The following LRRK1 variants were observed in gnomAD, a reference collection of about 807,000 sequenced individuals.
LRRK1 encodes the protein leucine rich repeat kinase 1, also known as leucine-rich repeat serine/threonine-protein kinase 1.
Under a neutral mutation model 209.1 loss-of-function variants are expected in LRRK1, and 113 were observed. That is an observed-to-expected ratio of 0.54 (90% CI 0.46 to 0.63). LRRK1 has a LOEUF of 0.63. Ranked by LOEUF, LRRK1 falls within the 30% of genes least tolerant of loss-of-function variation. LRRK1 has a pLI of 0.00. For missense variants in LRRK1, 2,284 were observed against 2,632.2 expected (o/e 0.87, Z 2.89); for synonymous variants, 1,144 against 1,099.7 (o/e 1.04, Z -0.80).
At chr15:101,032,146 T>G (rs7177141) in intron 20 of LRRK1, among the ~76,000 whole-genome samples, 150,180 of 152,334 alleles carry the variant, frequency 0.99, 74,065 homozygotes, top group East Asian at 1. Context: ...TAATGAGGTC[T>G]AGCACCTTTC....
intron 20 of LRRK1, among the ~76,000 whole-genome samples, chr15:101,045,429 A>G (rs1386923686): frequency 1.3e-5 from 2 of 152,212 alleles, no homozygotes; most frequent in Admixed American, 6.5e-5. Flanking sequence ...ATGATGACCG[A>G]GAGTGTTCTC....
intron 6 of LRRK1, among the ~76,000 whole-genome samples, chr15:101,002,580 T>A (rs2032746612): frequency 6.6e-6 from 1 of 152,218 alleles, no homozygotes; most frequent in African/African-American, 2.4e-5. Flanking sequence ...TTAGCCTTCA[T>A]GGATAGGATT....
chr15:100,976,672 C>T (rs1251059512), intron 3 of LRRK1, among the ~76,000 whole-genome samples: 4 of 152,116 alleles, frequency 2.6e-5, no homozygotes, highest in African/African-American at 9.7e-5. Context: ...AAAACTACTG[C>T]TAGGAACTTA....
intron 2 of LRRK1, among the ~76,000 whole-genome samples, chr15:100,950,481 G>T (rs1233335015): frequency 6.6e-6 from 1 of 152,132 alleles, no homozygotes; most frequent in African/African-American, 2.4e-5. Context: ...TTACAAAAAT[G>T]GCAAGATGAT....
intron 10 of LRRK1, among the ~76,000 whole-genome samples, 193 bp from the exon 11 acceptor site, chr15:101,014,123 C>G (rs568604938): frequency 9.2e-5 from 14 of 152,208 alleles, no homozygotes; most frequent in South Asian, 2.1e-4. Context: ...TAGATGGCCC[C>G]GTCGCACTGT....
chr15:100,962,814 T>TATATACATATATATATATATATATAC (rs1596204665), intron 2 of LRRK1, among the ~76,000 whole-genome samples: 1 of 33,958 alleles, frequency 2.9e-5, no homozygotes, highest in African/African-American at 9.7e-5. Context: ...TATATATATA[T>TATATACATATATATATATATATATAC]ATATATATAT....
chr15:100,943,556 T>A (rs2042481906), intron 2 of LRRK1, among the ~76,000 whole-genome samples: 1 of 151,980 alleles, frequency 6.6e-6, no homozygotes, highest in African/African-American at 2.4e-5. Context: ...GTTACAAAGA[T>A]AAACTATCAG....
At chr15:101,015,587 C>T (rs1567234091) in intron 12 of LRRK1, among the ~76,000 whole-genome samples, 185 bp downstream of exon 12, 1 of 152,252 alleles carries the variant, frequency 6.6e-6, no homozygotes, top group Non-Finnish European at 1.5e-5. Context: ...TTCTGTCCCA[C>T]GTGTGACACG....
At chr15:101,009,273 C>T (rs749996784) in intron 7 of LRRK1, among the ~76,000 whole-genome samples, 1 of 152,264 alleles carries the variant, frequency 6.6e-6, no homozygotes, top group African/African-American at 2.4e-5. Context: ...CAAGTTTACA[C>T]AGCTCACCCG....
In LRRK1 at chr15:101,022,043, G is replaced by A; in HGVS notation, c.1852+86G>A. The A allele has an allele frequency of 1.1e-6, 1 of 951,454 alleles. No homozygotes were observed. Among genetic ancestry groups the A allele is most frequent in the Non-Finnish European group, 1.6e-6 (1 of 623,166 alleles). 58.9% of individuals were successfully genotyped at this position (951,454 alleles called of 1,614,324 possible). On this transcript the variant is annotated intron_variant, in intron 14 of 33. Transcript: ENST00000388948. This position sits in a 1 kb window ranked among gnomAD's most constrained non-coding sequence, Gnocchi z 4.0. The stretch of plus-strand genomic sequence containing the variant: ...TTGTTAAGTTCTGGGGGTGGAGACA[G>A]TTGGTGACCCATGGAGCCCAGCTCC...
chr15:100,941,426 G>GTC (rs1567191058), intron 2 of LRRK1, among the ~76,000 whole-genome samples: 17 of 16,092 alleles, frequency 1.1e-3, no homozygotes, highest in South Asian at 3.2e-3. Context: ...GTGTGTGTGT[G>GTC]TCTGTGTGTG....
Position 100,958,949 on chromosome 15 carries a change from G to T in LRRK1, c.98-14855G>T, listed in dbSNP as rs1457716376. ...GGCAGTGTGTATGACTAAGGTCTCA[G>T]ATACTTTTATGACTTGGAAAGCCCC... On this transcript the variant is annotated intron_variant, in intron 2 of 33. Coordinates refer to ENST00000388948, the MANE Select transcript of LRRK1 (RefSeq NM_024652.6). Among the ~76,000 whole-genome samples, 4 of 152,274 alleles carry T rather than the reference G, an allele frequency of 2.6e-5. No homozygotes were observed. In the South Asian group the frequency reaches 8.3e-4, roughly 32 times the overall value.
At position 101,068,807 on chromosome 15, in the gene LRRK1, G is replaced by T; in HGVS notation, c.6007G>T (p.Glu2003Ter). The stretch of plus-strand genomic sequence containing the variant: ...CGACATTTTCTACCAGTCCTACGAG[G>T]AGCTGGGCCGGCTGGAGGCTTGCAC... ...EFDIFYQSYE[E>*]LGRLEACTRK... Residue 2003 changes from glutamate to a stop codon, truncating the protein, a stop_gained, in exon 34 of 34, where the codon GAG (glutamate) becomes TAG (stop). Transcript: ENST00000388948. LOFTEE classifies it high-confidence loss of function. 2.5e-6 allele frequency: 4 copies of T among 1,611,624 alleles called. No homozygotes were observed. Among genetic ancestry groups the T allele is most frequent in the Non-Finnish European group, 3.4e-6 (4 of 1,179,104 alleles).
Position 101,022,340 on chromosome 15 carries a change from A to G in LRRK1, c.1853-43A>G. 6.4e-7 allele frequency: 1 copy of G among 1,568,488 alleles called. No individual in the cohort carries two copies. The highest frequency in any genetic ancestry group is 1.1e-5 in the South Asian group (1 of 89,898). On this transcript the variant is annotated intron_variant, in intron 14 of 33. Coordinates refer to ENST00000388948, the MANE Select transcript of LRRK1 (RefSeq NM_024652.6). The surrounding 1 kb of genome is among the most constrained non-coding windows in gnomAD (Gnocchi z 4.0). ...ATTTTGTGTCCTAAGAGATGTGAGC[A>G]TGTGCCCACGCAGCTACCCTTCCCC...
chr15:101,054,544 CAT>C (rs1308034372), intron 26 of LRRK1, among the ~76,000 whole-genome samples: 3 of 152,358 alleles, frequency 2.0e-5, no homozygotes, highest in African/African-American at 7.2e-5. Context: ...CAGTGGCTCA[CAT>C]GTGTAATCCC....
chr15:100,996,001 C>T (rs1458146940), intron 6 of LRRK1, among the ~76,000 whole-genome samples: 1 of 152,246 alleles, frequency 6.6e-6, no homozygotes, highest in Non-Finnish European at 1.5e-5. Context: ...GCAAGCAGCC[C>T]AGCTGCACAT....
In LRRK1 at chr15:101,074,376, G is replaced by A. The variant is rs1171257992; in HGVS notation, c.*5528G>A. The A allele has an allele frequency of 2.0e-5, 3 of 152,050 alleles. No individual in the cohort carries two copies. Among genetic ancestry groups the A allele is most frequent in the Admixed American group, 6.6e-5 (1 of 15,258 alleles). 9.4% of individuals were successfully genotyped at this position (152,050 alleles called of 1,614,324 possible). A position where few individuals can be genotyped will look rare whatever the true frequency, so the allele number is the denominator to read the frequency against. ...TGCCCAGCAATTTTCTCTTAAAAAG[G>A]TGGCTGGAGCTAAAGGCATAGTCAA... On this transcript the variant is annotated 3_prime_UTR_variant, in exon 34 of 34. Transcript: ENST00000388948.
rs190307301 is a variant in LRRK1 at position 101,045,934 on chromosome 15, T to C, written c.2964-47T>C. The C allele has an allele frequency of 2.4e-5, 37 of 1,554,230 alleles. No homozygotes were observed. The East Asian group carries it at 7.9e-4, about 33-fold the overall frequency. ...ATCTGCTGGGGTCAGGGCCCTGCAGTGGAGCTTGGGCCCCACTGTTCACCA... is the reference window on the plus strand; with the variant it reads ...ATCTGCTGGGGTCAGGGCCCTGCAGCGGAGCTTGGGCCCCACTGTTCACCA... On this transcript the variant is annotated intron_variant, in intron 20 of 33. Transcript: ENST00000388948.
At position 101,048,627 on chromosome 15, in the gene LRRK1, T is replaced by A. The variant is rs1287460559; in HGVS notation, c.3269T>A (p.Leu1090His). The change falls in exon 22 of 34, where the codon CTC becomes CAC. Residue 1090 changes from leucine to histidine, a missense_variant. Leu to His is a moderately conservative substitution (Grantham distance 99). This residue lies in a region of LRRK1 where 780 missense variants were observed against 985.2 expected (regional missense o/e 0.79). Coordinates refer to ENST00000388948, the MANE Select transcript of LRRK1 (RefSeq NM_024652.6). Reference protein sequence around the residue: ...RNQTIYWQEGLLVTFDGGYLS... With the variant: ...RNQTIYWQEGHLVTFDGGYLS... ...CAGACCATCTATTGGCAGGAAGGGCTCCTGGTCACTTTTGATGGGGGCTAC... is the reference window on the plus strand; with the variant it reads ...CAGACCATCTATTGGCAGGAAGGGCACCTGGTCACTTTTGATGGGGGCTAC... 1 of 1,540,614 alleles carries A rather than the reference T, an allele frequency of 6.5e-7. No individual in the cohort carries two copies. Among genetic ancestry groups the A allele is most frequent in the East Asian group, 2.6e-5 (1 of 39,152 alleles).
Sources: gnomAD v4.1 joint callset for allele counts (sites outside exome capture counted in the v4.1 genomes callset) on GRCh38, gnomAD v4.1.1 for gene constraint, gnomAD v4.1.1 regional missense constraint, Gnocchi (gnomAD v3.1) non-coding constraint, MANE v1.5 for transcripts, NCBI Gene and HGNC (gene_info 2026-07-23, HGNC 2026-07-21) for gene names.